CFAP298: variants seen among roughly 807,000 people sequenced by gnomAD.
CFAP298 encodes the protein cilia and flagella associated protein 298.
Under a neutral mutation model 41.0 loss-of-function variants are expected in CFAP298, and 38 were observed. That is an observed-to-expected ratio of 0.93 (90% CI 0.72 to 1.22). The LOEUF (loss-of-function observed/expected upper bound fraction) is 1.22. CFAP298 is among the 50% of genes most tolerant of loss of function. The probability of loss-of-function intolerance (pLI) is 0.00; values close to 1 mark genes in which losing one functional copy is unlikely to be tolerated. For synonymous variants in CFAP298, 137 were observed against 135.3 expected, an observed-to-expected ratio of 1.01 and a Z score of -0.09; for missense variants, 348 against 360.3, an observed-to-expected ratio of 0.97 and a Z score of 0.28.
In CFAP298 at chr21:32,604,578, T is replaced by C. The variant is rs930591428; in HGVS notation, c.376-295A>G. 20 of 343,348 alleles carry C rather than the reference T, an allele frequency of 5.8e-5. No individual in the cohort carries two copies. In the Admixed American group the frequency reaches 7.6e-4, roughly 13 times the overall value. The allele number at this position is 343,348 out of a possible 1,614,324, so 21.3% of individuals were successfully genotyped here. Reference sequence around the variant, plus strand: ...ACAGATGGCAGTGAGGATCGGGAGATACGGCAGGGGGAGCAGGCACCGCAG... The same window carrying C: ...ACAGATGGCAGTGAGGATCGGGAGACACGGCAGGGGGAGCAGGCACCGCAG... On this transcript the variant is annotated intron_variant, in intron 3 of 6. Coordinates refer to ENST00000290155, the MANE Select transcript of CFAP298 (RefSeq NM_021254.4).
At chr21:32,608,502 C>T (rs2038918153) in intron 2 of CFAP298, among the ~76,000 whole-genome samples, 1 of 151,592 alleles carries the variant, frequency 6.6e-6, no homozygotes, top group Admixed American at 6.6e-5. Context: ...ATGAAAAATA[C>T]AAAAATTAGC....
chr21:32,603,516 G>C (rs920272445), intron 4 of CFAP298, among the ~76,000 whole-genome samples: 1 of 152,182 alleles, frequency 6.6e-6, no homozygotes, highest in Non-Finnish European at 1.5e-5. Flanking sequence ...GGACAACAGG[G>C]AGATCCTATC....
rs1002237961 is a variant in CFAP298, at chr21:32,606,429, C to T, written c.375+1220G>A. On this transcript the variant is annotated intron_variant, in intron 3 of 6. Transcript: ENST00000290155. Reference sequence around the variant, plus strand: ...AGGCAAAGGGGAGAAGTGAGGCGACCGAGAGAGGAGTTCCACAGCAAAGTG... The same window carrying T: ...AGGCAAAGGGGAGAAGTGAGGCGACTGAGAGAGGAGTTCCACAGCAAAGTG... 4.6e-5 allele frequency among the ~76,000 whole-genome samples: 7 copies of T among 152,038 alleles called. No individual in the cohort carries two copies. The East Asian group carries it at 1.2e-3, about 25-fold the overall frequency.
chr21:32,611,131 C>T (rs1431991712), intron 1 of CFAP298, among the ~76,000 whole-genome samples: 1 of 151,442 alleles, frequency 6.6e-6, no homozygotes, highest in Non-Finnish European at 1.5e-5. Flanking sequence ...TGATGAAACC[C>T]CGTGTCCACT....
chr21:32,609,817 A>G lies in CFAP298; in HGVS notation c.307+21T>C, dbSNP rs746804336. 6 of 1,606,066 alleles carry G rather than the reference A, an allele frequency of 3.7e-6. No individual in the cohort carries two copies. In the African/African-American group the frequency reaches 6.7e-5, roughly 18 times the overall value. On this transcript the variant is annotated intron_variant, in intron 2 of 6. Coordinates refer to ENST00000290155, the MANE Select transcript of CFAP298 (RefSeq NM_021254.4). Reference sequence around the variant, plus strand: ...TTATGCCTGTATCAAGCATGCACATAGAAGAGAAATCCTCACTTACCTTGC... The same window carrying G: ...TTATGCCTGTATCAAGCATGCACATGGAAGAGAAATCCTCACTTACCTTGC...
At chr21:32,602,647 G>A (rs2038769660) in intron 5 of CFAP298, 1 of 1,277,176 alleles carries the variant, frequency 7.8e-7, no homozygotes, top group East Asian at 3.6e-5. Context: ...GGAAAGGGAG[G>A]ATGCTCAGAG....
chr21:32,599,386 TC>T lies in CFAP298; in HGVS notation c.*2476del, dbSNP rs2038700992. ...TGGTATCAAATTTTATTACTAGCAT[TC>T]CTGGTCTCCATGAAAGAACCACATA... On this transcript the variant is annotated 3_prime_UTR_variant, in exon 7 of 7. Coordinates refer to ENST00000290155, the MANE Select transcript of CFAP298 (RefSeq NM_021254.4). Among the ~76,000 whole-genome samples, 1 of 152,172 alleles carries T rather than the reference TC, an allele frequency of 6.6e-6. No homozygotes were observed. Among genetic ancestry groups the T allele is most frequent in the African/African-American group, 2.4e-5 (1 of 41,434 alleles).
intron 2 of CFAP298, among the ~76,000 whole-genome samples, chr21:32,608,242 A>G (rs11702473): frequency 0.24 from 33,800 of 138,342 alleles, 4,799 homozygotes; most frequent in East Asian, 0.41. Flanking sequence ...AAAAAAAAAA[A>G]AAGAAGAAGA....
chr21:32,602,623 AG>A (rs2038768904), intron 5 of CFAP298: 1 of 1,305,522 alleles, frequency 7.7e-7, no homozygotes. Flanking sequence ...CAGACACTGC[AG>A]GCAGGTCCAG....
chr21:32,608,567 G>A (rs1227103236), intron 2 of CFAP298, among the ~76,000 whole-genome samples: 1 of 144,796 alleles, frequency 6.9e-6, no homozygotes, highest in Admixed American at 7.4e-5. Flanking sequence ...TGAGGCAGGA[G>A]AATCACTGGA....
At chr21:32,611,907 C>T (rs2039008710) in intron 1 of CFAP298, among the ~76,000 whole-genome samples, 198 bp downstream of exon 1, 1 of 152,278 alleles carries the variant, frequency 6.6e-6, no homozygotes, top group East Asian at 1.9e-4. Context: ...CCTCCCAGCC[C>T]GGGGTGTCAG....
chr21:32,602,226 A>C, intron 6 of CFAP298, 46 bp downstream of exon 6: 1 of 1,553,192 alleles, frequency 6.4e-7, no homozygotes, highest in Non-Finnish European at 8.9e-7. Context: ...CACACAGGCT[A>C]TGTGTGGGCG....
At chr21:32,604,795 C>A (rs1167507801) in intron 3 of CFAP298, among the ~76,000 whole-genome samples, 1 of 152,256 alleles carries the variant, frequency 6.6e-6, no homozygotes, top group Non-Finnish European at 1.5e-5. Flanking sequence ...GAAGAGTTCA[C>A]CTTTCCTCTG....
In CFAP298 at chr21:32,609,818, G is replaced by T; in HGVS notation, c.307+20C>A. ...TATGCCTGTATCAAGCATGCACATA[G>T]AAGAGAAATCCTCACTTACCTTGCC... On this transcript the variant is annotated intron_variant, in intron 2 of 6. Transcript: ENST00000290155. 2 of 1,601,546 alleles carry T rather than the reference G, an allele frequency of 1.2e-6. No individual in the cohort carries two copies. Among genetic ancestry groups the T allele is most frequent in the Non-Finnish European group, 1.7e-6 (2 of 1,170,840 alleles).
chr21:32,610,746 T>C (rs1228508323), intron 1 of CFAP298, among the ~76,000 whole-genome samples: 2 of 152,208 alleles, frequency 1.3e-5, no homozygotes, highest in African/African-American at 4.8e-5. Flanking sequence ...CCCTCAGGAA[T>C]TTCTCCACGG....
chr21:32,605,874 G>T (rs946055860), intron 3 of CFAP298, among the ~76,000 whole-genome samples: 1 of 152,204 alleles, frequency 6.6e-6, no homozygotes, highest in Non-Finnish European at 1.5e-5. Context: ...TGTCAGAACG[G>T]AATTGAATTG....
Position 32,602,887 on chromosome 21 carries a change from G to A in CFAP298, c.666+274C>T, listed in dbSNP as rs1010963330. On this transcript the variant is annotated intron_variant, in intron 5 of 6. Transcript: ENST00000290155. ...ATTTTACATTTCAAGGAACATATCT[G>A]TTTACTTGCAGCCCTATTTTTACGC... The A allele has an allele frequency of 1.2e-5, 16 of 1,356,722 alleles. No homozygotes were observed. The African/African-American group carries it at 2.1e-4, about 17-fold the overall frequency. The allele number at this position is 1,356,722 out of a possible 1,614,324, so 84.0% of individuals were successfully genotyped here.
At position 32,607,735 on chromosome 21, in the gene CFAP298, G is replaced by A; in HGVS notation, c.308-19C>T. 6.7e-7 allele frequency: 1 copy of A among 1,496,528 alleles called. No homozygotes were observed. Among genetic ancestry groups the A allele is most frequent in the East Asian group, 2.3e-5 (1 of 44,180 alleles). The allele number at this position is 1,496,528 out of a possible 1,614,324, so 92.7% of individuals were successfully genotyped here. On this transcript the variant is annotated intron_variant, in intron 2 of 6. Transcript: ENST00000290155. Reference sequence around the variant, plus strand: ...TTTGGAGCTATAAAAATAAAAAGGAGAGAGGGAGAAAGAGCTGTCAAATAC... The same window carrying A: ...TTTGGAGCTATAAAAATAAAAAGGAAAGAGGGAGAAAGAGCTGTCAAATAC...
intron 5 of CFAP298, 63 bp downstream of exon 5, chr21:32,603,098 A>C: frequency 1.3e-6 from 2 of 1,576,038 alleles, no homozygotes; most frequent in South Asian, 2.2e-5. Context: ...TTCACTGTAC[A>C]TTTTTATCAG....
Sources: gnomAD v4.1 joint callset for allele counts (sites outside exome capture counted in the v4.1 genomes callset) on GRCh38, gnomAD v4.1.1 for gene constraint, MANE v1.5 for transcripts, NCBI Gene and HGNC (gene_info 2026-07-23, HGNC 2026-07-21) for gene names.